The following SF3B3 variants were observed in gnomAD, a reference collection of about 807,000 sequenced individuals.
SF3B3 encodes SAP 130.
In SF3B3, 33 loss-of-function variants were observed where a neutral mutation model predicts 139.2. The observed-to-expected ratio is 0.24, with a 90% CI of 0.18 to 0.32. SF3B3 has a LOEUF of 0.32. SF3B3 is among the 10% of genes least tolerant of loss of function. The pLI is 1.00. For missense variants in SF3B3, 818 were observed against 1,509.4 expected, an observed-to-expected ratio of 0.54 and a Z score of 7.59; for synonymous variants, 596 against 563.6, an observed-to-expected ratio of 1.06 and a Z score of -0.81.
chr16:70,567,678 C>T, intron 21 of SF3B3, 142 bp downstream of exon 21: 2 of 1,089,404 alleles, frequency 1.8e-6, no homozygotes, highest in Non-Finnish European at 1.3e-6. Flanking sequence ...AGAATTATGC[C>T]CTTGTTTTTT....
chr16:70,567,281 A>G, intron 20 of SF3B3, 130 bp from the exon 21 acceptor site: 2 of 994,672 alleles, frequency 2.0e-6, no homozygotes, highest in Non-Finnish European at 3.0e-6. Context: ...CAGATTCATT[A>G]GCAAAATAAG....
At position 70,530,926 on chromosome 16, in the gene SF3B3, G is replaced by A; in HGVS notation, c.570+9G>A. Reference sequence around the variant, plus strand: ...TGGAAATGGATTATGAGGTAATGGGGACCCTGTCTCTTTGCGTTTCTTTCA... The same window carrying A: ...TGGAAATGGATTATGAGGTAATGGGAACCCTGTCTCTTTGCGTTTCTTTCA... On this transcript the variant is annotated intron_variant, in intron 4 of 25. Coordinates refer to ENST00000302516, the MANE Select transcript of SF3B3 (RefSeq NM_012426.5). 6.3e-7 allele frequency: 1 copy of A among 1,596,332 alleles called. No individual in the cohort carries two copies. The highest frequency in any genetic ancestry group is 8.5e-7 in the Non-Finnish European group (1 of 1,172,910).
chr16:70,532,290 C>T (rs1004761491), intron 4 of SF3B3, among the ~76,000 whole-genome samples, 189 bp from the exon 5 acceptor site: 6 of 91,304 alleles, frequency 6.6e-5, no homozygotes, highest in Admixed American at 2.7e-4. Context: ...AACTCCGTCT[C>T]AAAAAAAAAA....
chr16:70,526,480 T>G (rs2050065686), intron 1 of SF3B3, 107 bp from the exon 2 acceptor site: 1 of 574,810 alleles, frequency 1.7e-6, no homozygotes, highest in South Asian at 2.2e-5. Context: ...TGTTTCTTAA[T>G]AGGGCTTGCT....
intron 5 of SF3B3, among the ~76,000 whole-genome samples, chr16:70,534,384 C>G (rs1339536469): frequency 6.6e-6 from 1 of 152,174 alleles, no homozygotes; most frequent in Non-Finnish European, 1.5e-5. Context: ...GATAGGTTGA[C>G]AACCTTAGAA....
chr16:70,551,617 G>A (rs1405677431), intron 11 of SF3B3, among the ~76,000 whole-genome samples: 2 of 152,112 alleles, frequency 1.3e-5, no homozygotes, highest in African/African-American at 2.4e-5. Context: ...CAGGAGAATC[G>A]CTTGAACCTG....
intron 11 of SF3B3, among the ~76,000 whole-genome samples, chr16:70,550,876 C>G (rs768261380): frequency 6.6e-6 from 1 of 152,206 alleles, no homozygotes; most frequent in Non-Finnish European, 1.5e-5. Context: ...CTCTCTACTT[C>G]CTCCCACAGA....
chr16:70,548,522 TAC>T, intron 11 of SF3B3, 80 bp downstream of exon 11: 1 of 1,194,242 alleles, frequency 8.4e-7, no homozygotes, highest in South Asian at 1.2e-5. Context: ...GCGTTCATAA[TAC>T]TTCTGTATCA....
chr16:70,569,359 T>G (rs1417925722), intron 23 of SF3B3, among the ~76,000 whole-genome samples: 4 of 152,204 alleles, frequency 2.6e-5, no homozygotes, highest in Admixed American at 2.6e-4. Flanking sequence ...CTGAGGTGTG[T>G]CCTGGGCTTT....
At chr16:70,570,342 T>TTTTC (rs200875405) in intron 24 of SF3B3, among the ~76,000 whole-genome samples, 193 bp downstream of exon 24, 1,956 of 149,572 alleles carry the variant, frequency 0.013, 67 homozygotes, top group African/African-American at 0.043. Context: ...GGTTTTTTTT[T>TTTTC]TTTTTTTTGC....
intron 5 of SF3B3, among the ~76,000 whole-genome samples, chr16:70,533,898 C>CT (rs2050144131): frequency 1.3e-5 from 2 of 152,202 alleles, no homozygotes; most frequent in Non-Finnish European, 1.5e-5. Context: ...CTTTTTCATT[C>CT]TTTCAACACA....
intron 15 of SF3B3, among the ~76,000 whole-genome samples, chr16:70,557,331 A>G (rs1450044112): frequency 1.3e-5 from 2 of 152,228 alleles, no homozygotes; most frequent in Non-Finnish European, 2.9e-5. Context: ...ACTAGTTTCA[A>G]AAGCAGCAAT....
chr16:70,526,112 C>T (rs900565096), intron 1 of SF3B3, among the ~76,000 whole-genome samples: 1 of 152,038 alleles, frequency 6.6e-6, no homozygotes, highest in Non-Finnish European at 1.5e-5. Flanking sequence ...AGGACGTTTA[C>T]TCATAATTCT....
At chr16:70,537,999 G>T (rs201576254) in intron 6 of SF3B3, 45 of 545,820 alleles carry the variant, frequency 8.2e-5, no homozygotes, top group Non-Finnish European at 1.4e-4. Context: ...ATGGAGCAGT[G>T]TTTCACAGCC....
chr16:70,555,314 C>A (rs1226677717), intron 13 of SF3B3, 108 bp downstream of exon 13: 20 of 1,081,708 alleles, frequency 1.8e-5, no homozygotes, highest in Non-Finnish European at 2.7e-5. Context: ...CCTGTCTCTA[C>A]TAAAAATACA....
chr16:70,524,606 C>A (rs571116148), intron 1 of SF3B3: 1 of 151,994 alleles, frequency 6.6e-6, no homozygotes, highest in East Asian at 1.9e-4. Flanking sequence ...CTCTGCCTCC[C>A]GGGTTCCAGC....
In SF3B3 at chr16:70,532,633, C is replaced by T. The variant is rs1202674997; in HGVS notation, c.712+13C>T. ...TTCCTTATTACAGGTACTTTTCTTTCAGAGCTGCTTTGTACCCTTTTACTT... is the reference window on the plus strand; with the variant it reads ...TTCCTTATTACAGGTACTTTTCTTTTAGAGCTGCTTTGTACCCTTTTACTT... On this transcript the variant is annotated intron_variant, in intron 5 of 25. Transcript: ENST00000302516. 1.2e-6 allele frequency: 2 copies of T among 1,613,644 alleles called. No individual in the cohort carries two copies. Among genetic ancestry groups the T allele is most frequent in the Middle Eastern group, 1.7e-4 (1 of 6,060 alleles).
At chr16:70,559,985 G>C (rs1393321315) in intron 15 of SF3B3, among the ~76,000 whole-genome samples, 1 of 151,908 alleles carries the variant, frequency 6.6e-6, no homozygotes, top group African/African-American at 2.4e-5. Context: ...TAGTTCTTTT[G>C]TCCTTTTAAC....
Position 70,568,380 on chromosome 16 carries a change from A to G in SF3B3, c.3050A>G (p.Asn1017Ser). ...TTCATCTGGGTTCGCTACAAGCGTA[A>G]TGAAAACCAGCTTATCATCTTTGCT... The part of the protein sequence containing the change: ...ESFIWVRYKR[N>S]ENQLIIFADD... The change falls in exon 22 of 26, where the codon AAT becomes AGT. Residue 1017 changes from asparagine (N) to serine (S), a missense_variant. This residue lies in a region of SF3B3 where 91 missense variants were observed against 171.8 expected (regional missense o/e 0.53). Coordinates refer to ENST00000302516, the MANE Select transcript of SF3B3 (RefSeq NM_012426.5). The G allele has an allele frequency of 2.5e-6, 4 of 1,614,072 alleles. No individual in the cohort carries two copies. Among genetic ancestry groups the G allele is most frequent in the East Asian group, 2.2e-5 (1 of 44,884 alleles).
Sources: allele counts gnomAD v4.1 joint callset (sites outside exome capture counted in the v4.1 genomes callset), GRCh38; gene constraint gnomAD v4.1.1; regional missense constraint gnomAD v4.1.1; transcripts MANE v1.5; gene names NCBI Gene and HGNC (gene_info 2026-07-23, HGNC 2026-07-21).